The following LIN7A variants were observed in gnomAD, a reference collection of about 807,000 sequenced individuals.
LIN7A encodes the protein protein lin-7 homolog A.
Under a neutral mutation model 29.8 loss-of-function variants are expected in LIN7A, and 25 were observed. The ratio of observed to expected loss-of-function variants is 0.84; its 90% confidence interval spans 0.61 to 1.17. LIN7A has a LOEUF of 1.17. LIN7A is among the 50% of genes most tolerant of loss of function. The pLI, the probability that LIN7A is intolerant of heterozygous loss-of-function variation, is 0.00. For synonymous variants in LIN7A, 118 were observed against 107.5 expected (o/e 1.10, Z -0.60); for missense variants, 239 against 287.0 (o/e 0.83, Z 1.21).
intron 5 of LIN7A, among the ~76,000 whole-genome samples, chr12:80,804,101 C>T (rs1433094171): frequency 1.3e-5 from 2 of 151,896 alleles, no homozygotes; most frequent in African/African-American, 2.4e-5. Flanking sequence ...TTTGTGGGTA[C>T]ATGATATATA....
intron 2 of LIN7A, among the ~76,000 whole-genome samples, chr12:80,881,672 C>T (rs551258851): frequency 1.3e-5 from 2 of 151,900 alleles, no homozygotes; most frequent in South Asian, 4.2e-4. Flanking sequence ...TATATGTTTG[C>T]TCTTACTTAA....
intron 1 of LIN7A, among the ~76,000 whole-genome samples, chr12:80,927,155 C>CTTTTTTTTTTTTTTTT (rs929026269): frequency 2.1e-4 from 16 of 75,534 alleles, no homozygotes; most frequent in South Asian, 5.5e-4. Context: ...TTTTCTTTTT[C>CTTTTTTTTTTTTTTTT]TTTTTTTTTT....
At chr12:80,862,305 C>A (rs924643914) in intron 2 of LIN7A, among the ~76,000 whole-genome samples, 1 of 152,130 alleles carries the variant, frequency 6.6e-6, no homozygotes, top group Non-Finnish European at 1.5e-5. Context: ...GGTCTGACCT[C>A]TTTTCTTCAA....
intron 4 of LIN7A, among the ~76,000 whole-genome samples, chr12:80,838,509 T>C (rs561839090): frequency 6.6e-6 from 1 of 152,320 alleles, no homozygotes; most frequent in African/African-American, 2.4e-5. Context: ...CTTCTGAAAG[T>C]GACTGGGATA....
At chr12:80,810,084 C>T (rs1871213995) in intron 5 of LIN7A, among the ~76,000 whole-genome samples, 1 of 152,206 alleles carries the variant, frequency 6.6e-6, no homozygotes, top group East Asian at 1.9e-4. Flanking sequence ...CTATAGTTAC[C>T]AAGTTGTATA....
intron 2 of LIN7A, among the ~76,000 whole-genome samples, chr12:80,859,925 C>A (rs535552602): frequency 6.6e-6 from 1 of 152,032 alleles, no homozygotes; most frequent in East Asian, 1.9e-4. Context: ...ATTTTGTTTT[C>A]TTTATTTTTT....
At chr12:80,837,543 A>G (rs975466986) in intron 4 of LIN7A, among the ~76,000 whole-genome samples, 7 of 152,190 alleles carry the variant, frequency 4.6e-5, no homozygotes, top group African/African-American at 1.7e-4. Context: ...ATTCCCCAAT[A>G]GCACCTCTAG....
chr12:80,887,447 C>T (rs976541398), intron 2 of LIN7A, among the ~76,000 whole-genome samples: 1 of 152,156 alleles, frequency 6.6e-6, no homozygotes, highest in Non-Finnish European at 1.5e-5. Context: ...TACTACATGG[C>T]CTGCCAGGCC....
intron 4 of LIN7A, among the ~76,000 whole-genome samples, chr12:80,837,613 T>C (rs1872637512): frequency 6.6e-6 from 1 of 152,182 alleles, no homozygotes; most frequent in African/African-American, 2.4e-5. Flanking sequence ...TTGGGATTTT[T>C]GGCTTCCAGG....
At chr12:80,830,446 G>A (rs753471071) in intron 4 of LIN7A, among the ~76,000 whole-genome samples, 1 of 152,082 alleles carries the variant, frequency 6.6e-6, no homozygotes, top group Admixed American at 6.6e-5. Flanking sequence ...TGCATTTAGA[G>A]TGCTCTGCAG....
intron 2 of LIN7A, among the ~76,000 whole-genome samples, chr12:80,860,446 A>C (rs574165143): frequency 6.6e-6 from 1 of 152,232 alleles, no homozygotes; most frequent in Non-Finnish European, 1.5e-5. Flanking sequence ...TAGCAGAAGG[A>C]TGACTAAAAT....
At chr12:80,907,009 T>C (rs1876510416) in intron 1 of LIN7A, among the ~76,000 whole-genome samples, 1 of 144,276 alleles carries the variant, frequency 6.9e-6, no homozygotes, top group Non-Finnish European at 1.5e-5. Flanking sequence ...AGTTTTATTT[T>C]CAGTGAAACA....
At chr12:80,928,928 T>C (rs966279179) in intron 1 of LIN7A, among the ~76,000 whole-genome samples, 1 of 152,220 alleles carries the variant, frequency 6.6e-6, no homozygotes, top group African/African-American at 2.4e-5. Context: ...ATGATTAATA[T>C]ACCAATACAG....
intron 2 of LIN7A, among the ~76,000 whole-genome samples, chr12:80,883,761 G>T (rs1281039854): frequency 6.6e-6 from 1 of 152,122 alleles, no homozygotes; most frequent in Non-Finnish European, 1.5e-5. Context: ...TTTAGAGAAG[G>T]GAAAAATAGG....
At chr12:80,915,349 T>C (rs973539709) in intron 1 of LIN7A, among the ~76,000 whole-genome samples, 6 of 152,120 alleles carry the variant, frequency 3.9e-5, no homozygotes, top group Admixed American at 6.5e-5. Flanking sequence ...ATGGTGTTTG[T>C]TAAAAAGTCA....
chr12:80,881,404 A>G (rs1281635631), intron 2 of LIN7A, among the ~76,000 whole-genome samples: 2 of 152,230 alleles, frequency 1.3e-5, no homozygotes, highest in African/African-American at 4.8e-5. Flanking sequence ...ACATAATGTC[A>G]GATGCATTTT....
chr12:80,858,756 C>T (rs924224082), intron 2 of LIN7A, among the ~76,000 whole-genome samples: 2 of 152,056 alleles, frequency 1.3e-5, no homozygotes, highest in South Asian at 2.1e-4. Flanking sequence ...GTTTGGATTA[C>T]GCTGATGTGA....
chr12:80,937,590 G>A, intron 1 of LIN7A, 51 bp downstream of exon 1: 1 of 1,301,310 alleles, frequency 7.7e-7, no homozygotes, highest in Admixed American at 2.9e-5. Flanking sequence ...GGCGGGGAAG[G>A]GAGGAGGGGA....
chr12:80,841,401 AAGGAAGGAGGG>A (rs1368103656), intron 4 of LIN7A, among the ~76,000 whole-genome samples: 1 of 148,042 alleles, frequency 6.8e-6, no homozygotes, highest in African/African-American at 2.5e-5. Context: ...GGAAGGAAGG[AAGGAAGGAGGG>A]AAAGAAAGTA....
Sources: allele counts gnomAD v4.1 joint callset (sites outside exome capture counted in the v4.1 genomes callset), GRCh38; gene constraint gnomAD v4.1.1; transcripts MANE v1.5; gene names NCBI Gene and HGNC (gene_info 2026-07-23, HGNC 2026-07-21).